The following SLC6A5 variants were observed in gnomAD, a reference collection of about 807,000 sequenced individuals.
SLC6A5 encodes the protein solute carrier family 6 member 5.
In SLC6A5, 58 loss-of-function variants were observed where a neutral mutation model predicts 90.5. The observed-to-expected ratio is 0.64, with a 90% CI of 0.52 to 0.80. SLC6A5 has a LOEUF of 0.80. SLC6A5 is among the 30% of genes least tolerant of loss of function. The pLI is 0.00. For missense variants in SLC6A5, 1,015 were observed against 1,017.6 expected (o/e 1.00, Z 0.03); for synonymous variants, 427 against 401.4 (o/e 1.06, Z -0.76).
chr11:20,651,918 A>G lies in SLC6A5; in HGVS notation c.2071-371A>G, dbSNP rs115664428. On this transcript the variant is annotated intron_variant, in intron 14 of 15. Transcript: ENST00000525748. Reference sequence around the variant, plus strand: ...GAGACTCTGTCTCAAAAAGAAAAAAAAAAGAAAAAGAAAATACAGAGAACT... The same window carrying G: ...GAGACTCTGTCTCAAAAAGAAAAAAGAAAGAAAAAGAAAATACAGAGAACT... Among the ~76,000 whole-genome samples the G allele has an allele frequency of 2.8e-3, 425 of 151,982 alleles. 1 individual carries two copies. Among genetic ancestry groups the G allele is most frequent in the African/African-American group, 9.8e-3 (406 of 41,402 alleles).
chr11:20,607,080 G>T lies in SLC6A5; in HGVS notation c.753G>T (p.Leu251=), dbSNP rs754226256. 2 of 1,614,016 alleles carry T rather than the reference G, an allele frequency of 1.2e-6. No individual in the cohort carries two copies. Among genetic ancestry groups the T allele is most frequent in the Admixed American group, 3.3e-5 (2 of 60,004 alleles). The change falls in exon 4 of 16, where the codon CTG becomes CTT. Residue 251 remains leucine (L), a synonymous_variant. Transcript: ENST00000525748. ...CCATCTTCTTCTTGGAGGTGTCGCTGGGCCAGTTTGCCAGCCAGGGACCAG... is the reference window on the plus strand; with the variant it reads ...CCATCTTCTTCTTGGAGGTGTCGCTTGGCCAGTTTGCCAGCCAGGGACCAG... ...GLPIFFLEVS[L]GQFASQGPVS...
intron 7 of SLC6A5, 124 bp from the exon 8 acceptor site, chr11:20,626,584 G>A: frequency 1.9e-6 from 2 of 1,060,416 alleles, no homozygotes; most frequent in Admixed American, 1.9e-5. Context: ...CTGCATTTGG[G>A]GACAACTACC....
chr11:20,648,476 T>C (rs1344014611), intron 14 of SLC6A5, among the ~76,000 whole-genome samples: 2 of 152,176 alleles, frequency 1.3e-5, no homozygotes, highest in Non-Finnish European at 2.9e-5. Flanking sequence ...AGTCTGCAAT[T>C]TGTCTGAAAA....
At chr11:20,601,855 G>T (rs888387466) in intron 2 of SLC6A5, among the ~76,000 whole-genome samples, 190 bp downstream of exon 2, 4 of 152,214 alleles carry the variant, frequency 2.6e-5, no homozygotes, top group African/African-American at 9.6e-5. Flanking sequence ...CAGGGCGCGA[G>T]GGCTGCAGTG....
chr11:20,602,476 G>A (rs756405930), intron 2 of SLC6A5, among the ~76,000 whole-genome samples: 2 of 151,954 alleles, frequency 1.3e-5, no homozygotes, highest in Non-Finnish European at 2.9e-5. Context: ...TTTCCCTCTC[G>A]TCTCTCTCCT....
intron 5 of SLC6A5, among the ~76,000 whole-genome samples, chr11:20,610,153 C>T (rs1378607786): frequency 6.6e-6 from 1 of 152,216 alleles, no homozygotes; most frequent in African/African-American, 2.4e-5. Context: ...AAGAGAATCC[C>T]ATTCCACAGC....
chr11:20,613,797 C>G (rs1383350033), intron 5 of SLC6A5, among the ~76,000 whole-genome samples: 2 of 151,654 alleles, frequency 1.3e-5, no homozygotes, highest in Non-Finnish European at 2.9e-5. Flanking sequence ...GTATTTAGGA[C>G]TACAGGTGTG....
At chr11:20,629,455 A>G (rs1204723688) in intron 9 of SLC6A5, among the ~76,000 whole-genome samples, 2 of 152,240 alleles carry the variant, frequency 1.3e-5, no homozygotes, top group Non-Finnish European at 2.9e-5. Flanking sequence ...GTCTAACAAA[A>G]TGCCATAGAC....
At position 20,604,385 on chromosome 11, in the gene SLC6A5, G is replaced by A; in HGVS notation, c.640G>A (p.Val214Ile). ...MVGYAVGLGN[V>I]WRFPYLAFQN... ...GGGGTACGCAGTGGGGCTGGGCAAT[G>A]TCTGGAGGTTTCCCTACCTGGCCTT... The change falls in exon 3 of 16, where the codon GTC becomes ATC. Residue 214 changes from valine (V) to isoleucine (I), a missense_variant. Physicochemically the swap from Val to Ile is conservative, Grantham distance 29. Around this residue, in one of 3 missense-constraint regions of SLC6A5, gnomAD observed 567 missense variants for 507.3 expected, o/e 1.12. Transcript: ENST00000525748. The A allele has an allele frequency of 1.2e-6, 2 of 1,614,096 alleles. No individual in the cohort carries two copies. The highest frequency in any genetic ancestry group is 1.7e-6 in the Non-Finnish European group (2 of 1,179,988).
chr11:20,601,770 T>A, intron 2 of SLC6A5, 105 bp downstream of exon 2: 2 of 1,238,210 alleles, frequency 1.6e-6, no homozygotes, highest in South Asian at 1.3e-5. Flanking sequence ...GGAAACCGGT[T>A]GGCAGTGCCA....
chr11:20,614,961 A>G (rs1852758905), intron 6 of SLC6A5, 141 bp downstream of exon 6: 3 of 804,588 alleles, frequency 3.7e-6, no homozygotes, highest in Admixed American at 3.7e-5. Context: ...TTGGCTTCCA[A>G]GAGCAGATTG....
At chr11:20,614,190 G>A (rs1483491250) in intron 5 of SLC6A5, among the ~76,000 whole-genome samples, 1 of 151,994 alleles carries the variant, frequency 6.6e-6, no homozygotes, top group Non-Finnish European at 1.5e-5. Context: ...CCCTTCAGGG[G>A]GTCTGCTTAT....
chr11:20,626,633 C>G, intron 7 of SLC6A5, 75 bp from the exon 8 acceptor site: 1 of 1,531,322 alleles, frequency 6.5e-7, no homozygotes, highest in Non-Finnish European at 9.0e-7. Context: ...CACTCTTCCC[C>G]GAGCAATGCT....
chr11:20,615,185 A>G (rs1852762064), intron 6 of SLC6A5, among the ~76,000 whole-genome samples: 1 of 152,140 alleles, frequency 6.6e-6, no homozygotes, highest in African/African-American at 2.4e-5. Context: ...TCATGTTCAG[A>G]GCTTTAGTGT....
chr11:20,639,720 G>C (rs954946290), intron 13 of SLC6A5, among the ~76,000 whole-genome samples: 3 of 152,166 alleles, frequency 2.0e-5, no homozygotes, highest in African/African-American at 7.2e-5. Context: ...TGGGAATCAA[G>C]ATGGAAAAAG....
At chr11:20,613,529 C>T (rs1248717661) in intron 5 of SLC6A5, among the ~76,000 whole-genome samples, 5 of 151,894 alleles carry the variant, frequency 3.3e-5, no homozygotes, top group Non-Finnish European at 7.4e-5. Context: ...ATGAGATAAT[C>T]ATTAAAGTGT....
chr11:20,654,231 G>C (rs372271340), intron 15 of SLC6A5, among the ~76,000 whole-genome samples: 1 of 151,680 alleles, frequency 6.6e-6, no homozygotes. Flanking sequence ...TTTTTCCTCC[G>C]GTCATTTATA....
chr11:20,628,071 A>G lies in SLC6A5; in HGVS notation c.1487A>G (p.Asn496Ser), dbSNP rs1419402370. 1.2e-6 allele frequency: 2 copies of G among 1,613,030 alleles called. No homozygotes were observed. The highest frequency in any genetic ancestry group is 1.7e-6 in the Non-Finnish European group (2 of 1,179,044). ...CTCTCTTCTTACAACAAATTCCACA[A>G]CAACTGCTACAGGTATGTAGAGGTA... ...ITLSSYNKFH[N>S]NCYRDTLIVT... The change falls in exon 9 of 16, where the codon AAC becomes AGC. Residue 496 changes from asparagine (N) to serine (S), a missense_variant. Asn to Ser is a conservative substitution (Grantham distance 46, BLOSUM62 1). Around this residue, in one of 3 missense-constraint regions of SLC6A5, gnomAD observed 442 missense variants for 494.3 expected, o/e 0.89. Transcript: ENST00000525748.
intron 15 of SLC6A5, among the ~76,000 whole-genome samples, chr11:20,653,695 A>G (rs375149440): frequency 1.4e-3 from 217 of 152,324 alleles, no homozygotes; most frequent in African/African-American, 5.0e-3. Flanking sequence ...AAATTCTGTT[A>G]TTCCCTTGAG....
Sources: gnomAD v4.1 joint callset for allele counts (sites outside exome capture counted in the v4.1 genomes callset) on GRCh38, gnomAD v4.1.1 for gene constraint, gnomAD v4.1.1 regional missense constraint, MANE v1.5 for transcripts, NCBI Gene and HGNC (gene_info 2026-07-23, HGNC 2026-07-21) for gene names.